The following DLGAP1 variants were observed in gnomAD, a reference collection of about 807,000 sequenced individuals.
The protein encoded by DLGAP1 is disks large-associated protein 1.
In DLGAP1, 11 loss-of-function variants were observed where a neutral mutation model predicts 90.8. The observed-to-expected ratio is 0.12, with a 90% CI of 0.08 to 0.20. The LOEUF is 0.20. Ranked by LOEUF, DLGAP1 falls within the 10% of genes least tolerant of loss-of-function variation. DLGAP1 has a pLI of 1.00. For synonymous variants in DLGAP1, 558 were observed against 540.7 expected (o/e 1.03, Z -0.44); for missense variants, 1,050 against 1,333.8 (o/e 0.79, Z 3.31).
chr18:4,443,461 G>A (rs903999858), intron 1 of DLGAP1, among the ~76,000 whole-genome samples: 1 of 152,136 alleles, frequency 6.6e-6, no homozygotes, highest in African/African-American at 2.4e-5. Flanking sequence ...TTAAAATTTA[G>A]AATTCATTTT....
intron 2 of DLGAP1, among the ~76,000 whole-genome samples, chr18:4,094,162 T>G (rs1236646809): frequency 6.6e-6 from 1 of 152,230 alleles, no homozygotes; most frequent in Non-Finnish European, 1.5e-5. Context: ...ATATGTATTA[T>G]GTGGGACTTC....
At chr18:3,766,671 T>C (rs1208644413) in intron 5 of DLGAP1, among the ~76,000 whole-genome samples, 1 of 151,982 alleles carries the variant, frequency 6.6e-6, no homozygotes, top group Non-Finnish European at 1.5e-5. Flanking sequence ...AACAGAAAGA[T>C]AACAAGATCA....
At chr18:3,859,725 G>A (rs1480997452) in intron 4 of DLGAP1, among the ~76,000 whole-genome samples, 1 of 152,134 alleles carries the variant, frequency 6.6e-6, no homozygotes, top group Admixed American at 6.5e-5. Context: ...CCTCCAGAAG[G>A]AACATAGCCC....
intron 1 of DLGAP1, among the ~76,000 whole-genome samples, chr18:4,269,348 A>ATTTTT (rs1358148826): frequency 8.2e-5 from 11 of 133,478 alleles, no homozygotes; most frequent in Non-Finnish European, 1.2e-4. Context: ...ATATATATAT[A>ATTTTT]TATATATTTT....
chr18:4,445,369 C>T (rs1180535134), intron 1 of DLGAP1, among the ~76,000 whole-genome samples: 1 of 151,362 alleles, frequency 6.6e-6, no homozygotes, highest in Non-Finnish European at 1.5e-5. Flanking sequence ...CATACGTATA[C>T]ATGTGCCATG....
At chr18:4,306,667 G>C (rs2080272370) in intron 1 of DLGAP1, among the ~76,000 whole-genome samples, 1 of 152,126 alleles carries the variant, frequency 6.6e-6, no homozygotes, top group Admixed American at 6.5e-5. Context: ...TTTCCCAAAT[G>C]ATACGGAAGT....
intron 7 of DLGAP1, among the ~76,000 whole-genome samples, chr18:3,617,591 CA>C (rs66810699): frequency 9.1e-5 from 12 of 132,234 alleles, no homozygotes; most frequent in Non-Finnish European, 6.3e-5. Flanking sequence ...AACTCCATCT[CA>C]AAAAAAAAAA....
Position 3,879,198 on chromosome 18 carries a change from C to T in DLGAP1, c.871G>A (p.Val291Ile). 6.5e-7 allele frequency: 1 copy of T among 1,543,652 alleles called. No homozygotes were observed. The highest frequency in any genetic ancestry group is 8.7e-7 in the Non-Finnish European group (1 of 1,145,960). ...STLTVSRAREVYQKASVNMDQ... is the reference protein window; with the variant it reads ...STLTVSRAREIYQKASVNMDQ... ...ATGTTCACCGAGGCCTTCTGGTAAA[C>T]CTCCCGGGCCCGGCTCACGGTGAGC... The change falls in exon 4 of 13, where the codon GTT becomes ATT. Residue 291 changes from valine to isoleucine, a missense_variant. Physicochemically the swap from Val to Ile is conservative, Grantham distance 29. Transcript: ENST00000315677. This position sits in a 1 kb window ranked among gnomAD's most constrained non-coding sequence, Gnocchi z 6.6.
intron 2 of DLGAP1, among the ~76,000 whole-genome samples, chr18:4,139,375 A>AC (rs1471211090): frequency 1.3e-5 from 2 of 151,868 alleles, no homozygotes; most frequent in African/African-American, 4.8e-5. Context: ...TTTCTTCATG[A>AC]CCCACTGGTC....
intron 1 of DLGAP1, among the ~76,000 whole-genome samples, chr18:4,252,583 C>T (rs1327717560): frequency 6.6e-6 from 1 of 152,206 alleles, no homozygotes; most frequent in Non-Finnish European, 1.5e-5. Context: ...AGTCATGACT[C>T]TCTTACAGCA....
At chr18:3,820,136 G>T (rs1003316393) in intron 4 of DLGAP1, among the ~76,000 whole-genome samples, 4 of 152,168 alleles carry the variant, frequency 2.6e-5, no homozygotes, top group African/African-American at 9.7e-5. Context: ...CTTTGAGAGC[G>T]GATTATCTCA....
chr18:3,862,849 T>C (rs962496848), intron 4 of DLGAP1, among the ~76,000 whole-genome samples: 1 of 152,274 alleles, frequency 6.6e-6, no homozygotes, highest in East Asian at 1.9e-4. Context: ...TGTGAGGGCA[T>C]GGAGGACAGG....
chr18:4,066,888 C>G (rs1340013731), intron 2 of DLGAP1, among the ~76,000 whole-genome samples: 1 of 152,046 alleles, frequency 6.6e-6, no homozygotes, highest in Non-Finnish European at 1.5e-5. Context: ...ATGTTCATTG[C>G]AGCACTATTC....
chr18:4,167,114 G>A (rs2076946191), intron 1 of DLGAP1, among the ~76,000 whole-genome samples: 1 of 151,848 alleles, frequency 6.6e-6, no homozygotes, highest in Admixed American at 6.6e-5. Flanking sequence ...AGGAAAGCAA[G>A]TAAAGAGAAA....
chr18:4,105,751 C>G (rs2075847541), intron 2 of DLGAP1, among the ~76,000 whole-genome samples: 1 of 152,154 alleles, frequency 6.6e-6, no homozygotes, highest in Admixed American at 6.5e-5. Context: ...TGTAATTAGG[C>G]CGGGCGCGGT....
chr18:4,239,242 C>G (rs1012622579), intron 1 of DLGAP1, among the ~76,000 whole-genome samples: 7 of 152,186 alleles, frequency 4.6e-5, no homozygotes, highest in African/African-American at 1.7e-4. Flanking sequence ...ACAATGTCAT[C>G]AAGCATGAGA....
intron 7 of DLGAP1, among the ~76,000 whole-genome samples, chr18:3,631,944 G>A (rs1047352422): frequency 7.9e-5 from 12 of 151,890 alleles, no homozygotes; most frequent in Admixed American, 1.3e-4. Context: ...CCACCACACC[G>A]AATTTTCTTA....
chr18:3,829,105 A>G (rs1229012080), intron 4 of DLGAP1, among the ~76,000 whole-genome samples: 1 of 152,220 alleles, frequency 6.6e-6, no homozygotes, highest in Non-Finnish European at 1.5e-5. Flanking sequence ...CAATGAATAC[A>G]GTACATCAGG....
At chr18:4,134,057 C>T (rs1357104) in intron 2 of DLGAP1, among the ~76,000 whole-genome samples, 54,943 of 151,702 alleles carry the variant, frequency 0.36, 10,743 homozygotes, top group African/African-American at 0.52. Flanking sequence ...TTTCATGATG[C>T]ATAATTATAC....
Sources: allele counts gnomAD v4.1 joint callset (sites outside exome capture counted in the v4.1 genomes callset), GRCh38; gene constraint gnomAD v4.1.1; non-coding constraint Gnocchi (gnomAD v3.1); transcripts MANE v1.5; gene names NCBI Gene and HGNC (gene_info 2026-07-23, HGNC 2026-07-21).